FHIT: variants seen among roughly 807,000 people sequenced by gnomAD.
The protein encoded by FHIT is fragile histidine triad diadenosine triphosphatase.
In FHIT, 19 loss-of-function variants were observed where a neutral mutation model predicts 17.9. The ratio of observed to expected loss-of-function variants is 1.06; its 90% confidence interval spans 0.74 to 1.56. The LOEUF is 1.56. FHIT is among the 40% of genes most tolerant of loss of function. FHIT has a pLI of 0.00. For missense variants in FHIT, 248 were observed against 189.2 expected (o/e 1.31, Z -1.82); for synonymous variants, 81 against 69.7 (o/e 1.16, Z -0.81).
intron 5 of FHIT, among the ~76,000 whole-genome samples, chr3:60,416,084 T>C (rs1702239857): frequency 6.6e-6 from 1 of 151,584 alleles, no homozygotes; most frequent in African/African-American, 2.4e-5. Flanking sequence ...GTTAATAAAA[T>C]AGTGGAAAAA....
intron 4 of FHIT, among the ~76,000 whole-genome samples, chr3:60,598,217 A>T (rs1185411995): frequency 6.6e-6 from 1 of 152,148 alleles, no homozygotes; most frequent in African/African-American, 2.4e-5. Context: ...GGCATTTTCC[A>T]GATTAATGGA....
At chr3:60,063,613 G>C (rs1485359538) in intron 5 of FHIT, among the ~76,000 whole-genome samples, 1 of 152,166 alleles carries the variant, frequency 6.6e-6, no homozygotes, top group African/African-American at 2.4e-5. Context: ...GGAATGAAGA[G>C]ATTTTCCTTC....
chr3:60,573,507 C>A (rs911855339), intron 4 of FHIT, among the ~76,000 whole-genome samples: 1 of 152,162 alleles, frequency 6.6e-6, no homozygotes, highest in Admixed American at 6.5e-5. Context: ...CCCTTCCCAA[C>A]AGCCTGCAAT....
At chr3:59,974,130 A>G (rs1282842816) in intron 7 of FHIT, among the ~76,000 whole-genome samples, 1 of 152,142 alleles carries the variant, frequency 6.6e-6, no homozygotes, top group Admixed American at 6.6e-5. Context: ...CCATAAAGGC[A>G]AGCCAAAGGG....
intron 3 of FHIT, among the ~76,000 whole-genome samples, chr3:60,875,438 G>A (rs1042365641): frequency 2.0e-5 from 3 of 152,114 alleles, no homozygotes; most frequent in African/African-American, 4.8e-5. Flanking sequence ...CCAATCCACA[G>A]ACAAGCCTTA....
chr3:60,681,144 G>A (rs927403719), intron 4 of FHIT, among the ~76,000 whole-genome samples: 1 of 152,102 alleles, frequency 6.6e-6, no homozygotes, highest in Non-Finnish European at 1.5e-5. Context: ...AAGTCTATTG[G>A]CACCATTTTT....
rs144703743 is a variant in FHIT at position 60,111,115 on chromosome 3, T to C, written c.104-96963A>G. 2.6e-4 allele frequency among the ~76,000 whole-genome samples: 39 copies of C among 152,256 alleles called. 2 individuals are homozygous for C. Among genetic ancestry groups the C allele is most frequent in the Admixed American group, 1.3e-4 (2 of 15,298 alleles). Reference sequence around the variant, plus strand: ...CCAAGAAGAAAAAAAAGTAATCTGATAGACCGAGAAGAAAAAAAAAGTATA... The same window carrying C: ...CCAAGAAGAAAAAAAAGTAATCTGACAGACCGAGAAGAAAAAAAAAGTATA... On this transcript the variant is annotated intron_variant, in intron 5 of 9. Coordinates refer to ENST00000492590, the MANE Select transcript of FHIT (RefSeq NM_002012.4).
At chr3:60,769,253 T>C (rs1353189157) in intron 4 of FHIT, among the ~76,000 whole-genome samples, 1 of 152,154 alleles carries the variant, frequency 6.6e-6, no homozygotes, top group African/African-American at 2.4e-5. Context: ...AGGACTATCC[T>C]ACAGGCTGCA....
At chr3:60,137,205 GTTTTC>G (rs1699852204) in intron 5 of FHIT, among the ~76,000 whole-genome samples, 2 of 152,132 alleles carry the variant, frequency 1.3e-5, no homozygotes, top group Admixed American at 1.3e-4. Context: ...GAGCGGAATG[GTTTTC>G]TTTTAAGGAA....
intron 3 of FHIT, among the ~76,000 whole-genome samples, chr3:60,925,099 T>C (rs1553769500): frequency 6.6e-6 from 1 of 152,168 alleles, no homozygotes; most frequent in Admixed American, 6.5e-5. Flanking sequence ...TACCTGAAAG[T>C]GACAGGGAGA....
At chr3:60,366,229 G>A (rs147706963) in intron 5 of FHIT, among the ~76,000 whole-genome samples, 2 of 152,268 alleles carry the variant, frequency 1.3e-5, no homozygotes, top group Non-Finnish European at 2.9e-5. Flanking sequence ...AGGCTGGAGT[G>A]CAGTGGTGCA....
intron 5 of FHIT, among the ~76,000 whole-genome samples, chr3:60,255,251 A>C (rs545115199): frequency 5.9e-5 from 9 of 152,284 alleles, no homozygotes; most frequent in Admixed American, 5.9e-4. Context: ...ACCTCAGATG[A>C]GTATAATGAG....
chr3:61,118,814 T>A, intron 2 of FHIT, among the ~76,000 whole-genome samples: 1 of 152,290 alleles, frequency 6.6e-6, no homozygotes, highest in Admixed American at 6.5e-5. Context: ...ATTTATTTAT[T>A]AATATTAATT....
At chr3:60,952,518 A>C (rs1443402725) in intron 3 of FHIT, among the ~76,000 whole-genome samples, 2 of 152,182 alleles carry the variant, frequency 1.3e-5, no homozygotes, top group African/African-American at 4.8e-5. Context: ...TTGCCTCTGA[A>C]TGGCCAAAAC....
intron 8 of FHIT, among the ~76,000 whole-genome samples, chr3:59,809,475 C>T (rs1455349690): frequency 6.6e-6 from 1 of 152,172 alleles, no homozygotes; most frequent in African/African-American, 2.4e-5. Context: ...TTTTATGCCA[C>T]TCATGTTGTG....
intron 5 of FHIT, among the ~76,000 whole-genome samples, chr3:60,243,443 GA>G (rs1261182632): frequency 3.9e-5 from 6 of 152,096 alleles, no homozygotes; most frequent in Non-Finnish European, 7.4e-5. Flanking sequence ...ACTGGCCATG[GA>G]GAGGCGATGG....
Position 60,742,213 on chromosome 3 carries a change from T to G in FHIT, c.-18+79706A>C, listed in dbSNP as rs1458074889. Among the ~76,000 whole-genome samples the G allele has an allele frequency of 2.0e-5, 3 of 152,186 alleles. No homozygotes were observed. In the East Asian group the frequency reaches 5.8e-4, roughly 29 times the overall value. ...GATGCCTCAGTAAGTGAAATTATGATGCTAATTACAACGAATGTCCTTAAA... is the reference window on the plus strand; with the variant it reads ...GATGCCTCAGTAAGTGAAATTATGAGGCTAATTACAACGAATGTCCTTAAA... On this transcript the variant is annotated intron_variant, in intron 4 of 9. Transcript: ENST00000492590.
chr3:60,435,255 A>G (rs949274502), intron 5 of FHIT, among the ~76,000 whole-genome samples: 15 of 152,156 alleles, frequency 9.9e-5, no homozygotes, highest in African/African-American at 3.6e-4. Flanking sequence ...TAATAGAAAA[A>G]GTATGCAAAT....
intron 7 of FHIT, among the ~76,000 whole-genome samples, chr3:59,970,365 C>G (rs1253686802): frequency 6.6e-6 from 1 of 152,088 alleles, no homozygotes; most frequent in African/African-American, 2.4e-5. Flanking sequence ...CACCAATGCT[C>G]ATCCCAACAG....
Sources: allele counts gnomAD v4.1 joint callset (sites outside exome capture counted in the v4.1 genomes callset), GRCh38; gene constraint gnomAD v4.1.1; transcripts MANE v1.5; gene names NCBI Gene and HGNC (gene_info 2026-07-23, HGNC 2026-07-21).